HMCES: variants seen among roughly 807,000 people sequenced by gnomAD.
The protein encoded by HMCES is 5-hydroxymethylcytosine binding, ES cell specific.
A neutral mutation model predicts 35.1 loss-of-function variants in HMCES; 27 were observed. The observed-to-expected ratio is 0.77, with a 90% confidence interval of 0.57 to 1.06. HMCES has a LOEUF of 1.06. Among genes scored for constraint, HMCES ranks in the 50% least tolerant of loss-of-function variants. The pLI is 0.00. For synonymous variants in HMCES, 130 were observed against 154.7 expected, an observed-to-expected ratio of 0.84 and a Z score of 1.18; for missense variants, 391 against 430.4, an observed-to-expected ratio of 0.91 and a Z score of 0.81.
chr3:129,300,954 C>T (rs2071156048), intron 5 of HMCES, among the ~76,000 whole-genome samples: 1 of 151,546 alleles, frequency 6.6e-6, no homozygotes, highest in African/African-American at 2.4e-5. Flanking sequence ...TGGCGTGAAC[C>T]CGGGAGGTGG....
chr3:129,291,699 T>G (rs1376916588), intron 4 of HMCES, among the ~76,000 whole-genome samples: 2 of 152,252 alleles, frequency 1.3e-5, no homozygotes, highest in Non-Finnish European at 2.9e-5. Flanking sequence ...TGGATTTGTT[T>G]TCATCTCTCT....
At chr3:129,289,253 G>C (rs1254696871) in intron 3 of HMCES, among the ~76,000 whole-genome samples, 1 of 152,184 alleles carries the variant, frequency 6.6e-6, no homozygotes, top group Non-Finnish European at 1.5e-5. Flanking sequence ...TTTTCACTTG[G>C]AAGTTCTCAT....
rs1157886789 is a variant in HMCES at position 129,305,421 on chromosome 3, A to G, written c.*596A>G. ...GGCATGGGGGCTTTCTGAGGAAATA[A>G]CTACAAGTCTTGGTGGTGGGCTCCT... On this transcript the variant is annotated 3_prime_UTR_variant, in exon 7 of 7. Coordinates refer to ENST00000383463, the MANE Select transcript of HMCES (RefSeq NM_020187.3). The G allele has an allele frequency of 2.6e-5, 4 of 151,214 alleles. No homozygotes were observed. The highest frequency in any genetic ancestry group is 2.0e-4 in the Admixed American group (3 of 15,204). 9.4% of individuals were successfully genotyped at this position (151,214 alleles called of 1,614,324 possible).
At chr3:129,298,328 A>G (rs761058154) in intron 4 of HMCES, 26 bp from the exon 5 acceptor site, 2 of 1,610,930 alleles carry the variant, frequency 1.2e-6, no homozygotes, top group Admixed American at 3.3e-5. Flanking sequence ...GAGTGCATCT[A>G]ATCTGCCCAT....
In HMCES at chr3:129,298,521, T is replaced by A; in HGVS notation, c.621T>A (p.Ser207Arg). 4 of 1,613,762 alleles carry A rather than the reference T, an allele frequency of 2.5e-6. No homozygotes were observed. The South Asian group carries it at 4.4e-5, about 18-fold the overall frequency. ...CAGTGGATTCCTGCAAAGGCTTGAG[T>A]GACATCCACCACAGGCAAGTCATAC... ...IITVDSCKGL[S>R]DIHHRMPAIL... Residue 207 changes from serine to arginine, a missense_variant, in exon 5 of 7, where the codon AGT becomes AGA. Transcript: ENST00000383463.
At position 129,288,907 on chromosome 3, in the gene HMCES, T is replaced by G. The variant is rs1940718136; in HGVS notation, c.237T>G (p.Pro79=). 1 of 1,602,678 alleles carries G rather than the reference T, an allele frequency of 6.2e-7. No homozygotes were observed. The highest frequency in any genetic ancestry group is 8.5e-7 in the Non-Finnish European group (1 of 1,170,762). Residue 79 remains proline, a synonymous_variant, in exon 3 of 7, where the codon CCT becomes CCG. Coordinates refer to ENST00000383463, the MANE Select transcript of HMCES (RefSeq NM_020187.3). ...CTCCCATGCGCTGGGGCTTGGTCCC[T>G]TCTTGGTTCAAAGAAAGTGATCCTT... is the stretch of plus-strand genomic sequence containing the variant. The part of the protein sequence containing the change: ...IIAPMRWGLV[P]SWFKESDPSK...
chr3:129,296,105 A>G lies in HMCES; in HGVS notation c.454-2249A>G, dbSNP rs138250368. Among the ~76,000 whole-genome samples the G allele has an allele frequency of 4.9e-3, 751 of 152,024 alleles. 8 individuals are homozygous for G. The highest frequency in any genetic ancestry group is 0.015 in the African/African-American group (642 of 41,450). ...AGATGAAGTCTCGCTCTGTCACCCA[A>G]GCTGGAGTACAGTGGTGCAATCTTG... On this transcript the variant is annotated intron_variant, in intron 4 of 6. Coordinates refer to ENST00000383463, the MANE Select transcript of HMCES (RefSeq NM_020187.3).
At chr3:129,286,639 C>T (rs1160963100) in intron 2 of HMCES, among the ~76,000 whole-genome samples, 1 of 152,210 alleles carries the variant, frequency 6.6e-6, no homozygotes, top group East Asian at 1.9e-4. Flanking sequence ...GTAGTACCAT[C>T]ATTATTTCAC....
At chr3:129,304,271 C>T (rs2071207629) in intron 6 of HMCES, among the ~76,000 whole-genome samples, 1 of 152,204 alleles carries the variant, frequency 6.6e-6, no homozygotes, top group African/African-American at 2.4e-5. Flanking sequence ...TTTTCCAACA[C>T]TCCCCCTGGG....
chr3:129,285,821 C>A (rs1418629893), intron 2 of HMCES, among the ~76,000 whole-genome samples: 1 of 151,722 alleles, frequency 6.6e-6, no homozygotes, highest in Non-Finnish European at 1.5e-5. Flanking sequence ...CCTGCACCTC[C>A]CGAGCTCAAG....
chr3:129,290,833 T>C, intron 4 of HMCES, 29 bp downstream of exon 4: 3 of 1,598,110 alleles, frequency 1.9e-6, no homozygotes, highest in Non-Finnish European at 2.6e-6. Flanking sequence ...ACAATATATA[T>C]TTGGAAAGGC....
Position 129,304,760 on chromosome 3 carries a change from C to G in HMCES, c.1000C>G (p.Leu334Val), listed in dbSNP as rs1283516962. Residue 334 changes from leucine (L) to valine (V), a missense_variant, in exon 7 of 7, where the codon CTA becomes GTA. Physicochemically the swap from Leu to Val is conservative, Grantham distance 32. Transcript: ENST00000383463. ...LPTKRGTAGL[L>V]EQWLKREKEE... Reference sequence around the variant, plus strand: ...CACCAAGAGAGGCACTGCAGGACTCCTAGAGCAATGGCTGAAGCGGGAGAA... The same window carrying G: ...CACCAAGAGAGGCACTGCAGGACTCGTAGAGCAATGGCTGAAGCGGGAGAA... 1.2e-6 allele frequency: 2 copies of G among 1,614,080 alleles called. No individual in the cohort carries two copies. The highest frequency in any genetic ancestry group is 2.2e-5 in the East Asian group (1 of 44,894).
intron 3 of HMCES, among the ~76,000 whole-genome samples, chr3:129,289,567 G>A (rs951736924): frequency 2.6e-5 from 4 of 151,992 alleles, no homozygotes; most frequent in Admixed American, 2.0e-4. Flanking sequence ...TAGAGACAAG[G>A]TCTGGCTATG....
In HMCES at chr3:129,304,786, G is replaced by A. The variant is rs1438692488; in HGVS notation, c.1026G>A (p.Lys342=). 6.2e-7 allele frequency: 1 copy of A among 1,614,142 alleles called. No individual in the cohort carries two copies. Among genetic ancestry groups the A allele is most frequent in the Non-Finnish European group, 8.5e-7 (1 of 1,179,970 alleles). ...GLLEQWLKRE[K]EEEPVAKRPY... Reference sequence around the variant, plus strand: ...TAGAGCAATGGCTGAAGCGGGAGAAGGAGGAGGAACCTGTGGCCAAGCGTC... The same window carrying A: ...TAGAGCAATGGCTGAAGCGGGAGAAAGAGGAGGAACCTGTGGCCAAGCGTC... Residue 342 remains lysine (K), a synonymous_variant, in exon 7 of 7, where the codon AAG becomes AAA. Coordinates refer to ENST00000383463, the MANE Select transcript of HMCES (RefSeq NM_020187.3).
At chr3:129,296,186 T>C (rs1356755638) in intron 4 of HMCES, among the ~76,000 whole-genome samples, 1 of 151,952 alleles carries the variant, frequency 6.6e-6, no homozygotes, top group Non-Finnish European at 1.5e-5. Flanking sequence ...GCCTCCCAAA[T>C]AGCTGGGATT....
rs2071214152 is a variant in HMCES at position 129,304,705 on chromosome 3, C to T, written c.945C>T (p.Ser315=). Residue 315 remains serine (S), a synonymous_variant, in exon 7 of 7, where the codon TCC becomes TCT. Coordinates refer to ENST00000383463, the MANE Select transcript of HMCES (RefSeq NM_020187.3). The part of the protein sequence containing the change: ...QKEESDVPQW[S]SQFLQKSPLP... ...AAGAGTCAGATGTTCCCCAGTGGTCCAGTCAGTTCCTGCAGAAGAGTCCAC... is the reference window on the plus strand; with the variant it reads ...AAGAGTCAGATGTTCCCCAGTGGTCTAGTCAGTTCCTGCAGAAGAGTCCAC... The T allele has an allele frequency of 6.2e-7, 1 of 1,613,992 alleles. No individual in the cohort carries two copies.
intron 3 of HMCES, among the ~76,000 whole-genome samples, 164 bp from the exon 4 acceptor site, chr3:129,290,515 C>T (rs559996843): frequency 1.5e-4 from 23 of 152,180 alleles, no homozygotes; most frequent in African/African-American, 5.5e-4. Flanking sequence ...AACTCCTGAC[C>T]TCAAGTGATC....
At chr3:129,288,423 G>A (rs1019022554) in intron 2 of HMCES, among the ~76,000 whole-genome samples, 1 of 152,124 alleles carries the variant, frequency 6.6e-6, no homozygotes, top group African/African-American at 2.4e-5. Context: ...GGCTGGTTGT[G>A]GTGGCTCACA....
rs1278544864 is a variant in HMCES at position 129,298,301 on chromosome 3, T to G, written c.454-53T>G. The G allele has an allele frequency of 3.3e-6, 5 of 1,528,890 alleles. No homozygotes were observed. The African/African-American group carries it at 4.1e-5, about 13-fold the overall frequency. 94.7% of individuals were successfully genotyped at this position (1,528,890 alleles called of 1,614,324 possible). On this transcript the variant is annotated intron_variant, in intron 4 of 6. Coordinates refer to ENST00000383463, the MANE Select transcript of HMCES (RefSeq NM_020187.3). ...AGTCTGAAGTAGTACCTAACCTGCA[T>G]GTAGAAGAAGTCTGCTGAGTGCATC...
Sources: allele counts gnomAD v4.1 joint callset (sites outside exome capture counted in the v4.1 genomes callset), GRCh38; gene constraint gnomAD v4.1.1; transcripts MANE v1.5; gene names NCBI Gene and HGNC (gene_info 2026-07-23, HGNC 2026-07-21).